The following GJA5 variants were observed in gnomAD, a reference collection of about 807,000 sequenced individuals.
GJA5 encodes the protein gap junction protein alpha 5.
In GJA5, 3 loss-of-function variants were observed where a neutral mutation model predicts 7.9. That is an observed-to-expected ratio of 0.38 (90% CI 0.17 to 0.99). The LOEUF is 0.99. Among genes scored for constraint, GJA5 ranks in the 50% least tolerant of loss-of-function variants. The probability of loss-of-function intolerance (pLI) is 0.38; values close to 1 mark genes in which losing one functional copy is unlikely to be tolerated. For synonymous variants in GJA5, 193 were observed against 181.0 expected, an observed-to-expected ratio of 1.07 and a Z score of -0.53; for missense variants, 390 against 457.9, an observed-to-expected ratio of 0.85 and a Z score of 1.35.
chr1:147,757,949 A>C lies in GJA5; in HGVS notation c.*213T>G. 1.7e-6 allele frequency: 1 copy of C among 590,968 alleles called. No homozygotes were observed. Among genetic ancestry groups the C allele is most frequent in the Non-Finnish European group, 3.0e-6 (1 of 332,356 alleles). 36.6% of individuals were successfully genotyped at this position (590,968 alleles called of 1,614,324 possible). On this transcript the variant is annotated 3_prime_UTR_variant, in exon 2 of 2. Coordinates refer to ENST00000579774, the MANE Select transcript of GJA5 (RefSeq NM_181703.4). ...TTCGTATACTGGGTAGAGGGTGGGG[A>C]GGGAACTGCAGTCTGGGTGGGTTGT...
chr1:147,764,910 T>G (rs1254644251), upstream of GJA5, among the ~76,000 whole-genome samples: 1 of 152,128 alleles, frequency 6.6e-6, no homozygotes, highest in Non-Finnish European at 1.5e-5. Context: ...ATGGGTAGTA[T>G]GCTTCTCAAA....
rs1043802 is a variant in GJA5, at chr1:147,757,430, G to A, written c.*732C>T. Reference sequence around the variant, plus strand: ...TGTGTGTACAGTGACTCCCTAGCAGGGCTGACACCTGCACAGGCTAGGTGT... The same window carrying A: ...TGTGTGTACAGTGACTCCCTAGCAGAGCTGACACCTGCACAGGCTAGGTGT... On this transcript the variant is annotated 3_prime_UTR_variant, in exon 2 of 2. Transcript: ENST00000579774. The A allele has an allele frequency of 0.26, 39,411 of 152,816 alleles. 5,606 individuals are homozygous for A. The highest frequency in any genetic ancestry group is 0.36 in the African/African-American group (15,087 of 41,450). The allele number at this position is 152,816 out of a possible 1,614,324, so 9.5% of individuals were successfully genotyped here.
At chr1:147,760,961 C>T (rs587707554), upstream of GJA5, among the ~76,000 whole-genome samples, 1 of 152,224 alleles carries the variant, frequency 6.6e-6, no homozygotes, top group African/African-American at 2.4e-5. Flanking sequence ...CACAGTGCTC[C>T]CATCCCCCGG....
upstream of GJA5, among the ~76,000 whole-genome samples, chr1:147,762,615 C>T (rs371989711): frequency 1.3e-5 from 2 of 152,296 alleles, no homozygotes; most frequent in East Asian, 3.9e-4. Flanking sequence ...AGGCAGACCT[C>T]CTGGGCCCAG....
upstream of GJA5, among the ~76,000 whole-genome samples, chr1:147,765,495 TA>T: frequency 6.6e-6 from 1 of 152,158 alleles, no homozygotes; most frequent in South Asian, 2.1e-4. Context: ...GTGTAGGAGT[TA>T]GGGGTATGTG....
intron 1 of GJA5, among the ~76,000 whole-genome samples, chr1:147,766,693 C>T (rs910236133): frequency 6.6e-6 from 1 of 152,176 alleles, no homozygotes; most frequent in Non-Finnish European, 1.5e-5. Context: ...GATGACAAGA[C>T]CACTCCACAG....
chr1:147,772,377 A>G (rs1228685489), intron 1 of GJA5, among the ~76,000 whole-genome samples: 2 of 152,146 alleles, frequency 1.3e-5, no homozygotes, highest in Non-Finnish European at 2.9e-5. Context: ...CTTTGAGCCT[A>G]TGGAATCACA....
chr1:147,769,714 G>A (rs782124098), intron 1 of GJA5, among the ~76,000 whole-genome samples: 2 of 151,996 alleles, frequency 1.3e-5, no homozygotes, highest in Non-Finnish European at 1.5e-5. Flanking sequence ...CACAGACAAT[G>A]GAAAGTATAG....
upstream of GJA5, among the ~76,000 whole-genome samples, chr1:147,761,262 G>A (rs1663998838): frequency 1.3e-5 from 2 of 152,142 alleles, no homozygotes; most frequent in African/African-American, 2.4e-5. Context: ...ATTTGGGTGG[G>A]TCCTTAGAGG....
At chr1:147,762,716 C>A (rs1015458378), upstream of GJA5, among the ~76,000 whole-genome samples, 4 of 152,158 alleles carry the variant, frequency 2.6e-5, no homozygotes, top group Admixed American at 1.3e-4. Context: ...TACCATGTAC[C>A]AGATGCTCAG....
intron 1 of GJA5, among the ~76,000 whole-genome samples, chr1:147,770,905 C>T (rs1456099610): frequency 3.3e-5 from 5 of 152,226 alleles, no homozygotes; most frequent in African/African-American, 1.2e-4. Flanking sequence ...TTTCCAGGAA[C>T]CCTGAAGCTT....
intron 1 of GJA5, among the ~76,000 whole-genome samples, chr1:147,772,586 G>C (rs587685686): frequency 1.0e-3 from 155 of 152,196 alleles, no homozygotes; most frequent in Non-Finnish European, 1.9e-3. Flanking sequence ...CTACCCCATG[G>C]CCTCCTACTT....
Position 147,758,102 on chromosome 1 carries a change from G to A in GJA5, c.*60C>T, listed in dbSNP as rs886045248. 39 of 1,140,440 alleles carry A rather than the reference G, an allele frequency of 3.4e-5. No individual in the cohort carries two copies. The East Asian group carries it at 5.8e-4, about 17-fold the overall frequency. 70.6% of individuals were successfully genotyped at this position (1,140,440 alleles called of 1,614,324 possible). ...GAAAGCATCAGTTCAGAAGGGACAC[G>A]TCTTTCCTCTCTGAGCCTCCTTTGT... On this transcript the variant is annotated 3_prime_UTR_variant, in exon 2 of 2. Coordinates refer to ENST00000579774, the MANE Select transcript of GJA5 (RefSeq NM_181703.4).
In GJA5 at chr1:147,757,590, C is replaced by T. The variant is rs1326552579; in HGVS notation, c.*572G>A. 2 of 159,412 alleles carry T rather than the reference C, an allele frequency of 1.3e-5. No individual in the cohort carries two copies. Among genetic ancestry groups the T allele is most frequent in the East Asian group, 3.7e-4 (2 of 5,440 alleles). 9.9% of individuals were successfully genotyped at this position (159,412 alleles called of 1,614,324 possible). On this transcript the variant is annotated 3_prime_UTR_variant, in exon 2 of 2. Transcript: ENST00000579774. ...GCTGCTGGTAAAGTTCCAAGAAGCC[C>T]TTTTTAAGGCTGAGTAGAGGGAGGA...
Position 147,758,681 on chromosome 1 carries a change from G to A in GJA5, c.558C>T (p.Arg186=). 6.2e-7 allele frequency: 1 copy of A among 1,614,228 alleles called. No individual in the cohort carries two copies. The highest frequency in any genetic ancestry group is 8.5e-7 in the Non-Finnish European group (1 of 1,180,028). ...GIFLTTLHVC[R]RSPCPHPVNC... ...TGACCGGGTGGGGACAGGGACTCCT[G>A]CGGCAGACATGCAGGGTGGTCAGGA... Residue 186 remains arginine (R), a synonymous_variant, in exon 2 of 2, where the codon CGC becomes CGT. Coordinates refer to ENST00000579774, the MANE Select transcript of GJA5 (RefSeq NM_181703.4).
At position 147,756,610 on chromosome 1, in the gene GJA5, G is replaced by C. The variant is rs78252771; in HGVS notation, c.*1552C>G. ...TGTTTAGGTTAATAACTGCCAGGCAGCCGGAGAGGAGAGCAGGAAGACACA... is the reference window on the plus strand; with the variant it reads ...TGTTTAGGTTAATAACTGCCAGGCACCCGGAGAGGAGAGCAGGAAGACACA... On this transcript the variant is annotated 3_prime_UTR_variant, in exon 2 of 2. Coordinates refer to ENST00000579774, the MANE Select transcript of GJA5 (RefSeq NM_181703.4). 0.014 allele frequency: 2,140 copies of C among 152,302 alleles called. 50 individuals are homozygous for C. The highest frequency in any genetic ancestry group is 0.049 in the African/African-American group (2,051 of 41,534). 9.4% of individuals were successfully genotyped at this position (152,302 alleles called of 1,614,324 possible).
chr1:147,759,156 A>T lies in GJA5; in HGVS notation c.83T>A (p.Val28Asp). The T allele has an allele frequency of 6.2e-7, 1 of 1,613,900 alleles. No individual in the cohort carries two copies. The highest frequency in any genetic ancestry group is 8.5e-7 in the Non-Finnish European group (1 of 1,179,840). The change falls in exon 2 of 2, where the codon GTC becomes GAC. Residue 28 changes from valine to aspartate, a missense_variant. Transcript: ENST00000579774. ...CACGAGCATACGGAATATGAAGAGG[A>T]CAGTGAGCCAGACCTTGCCTACCAC... is the stretch of plus-strand genomic sequence containing the variant. ...STVVGKVWLTVLFIFRMLVLG... is the reference protein window; with the variant it reads ...STVVGKVWLTDLFIFRMLVLG...
At chr1:147,767,673 C>T (rs1164252153) in intron 1 of GJA5, among the ~76,000 whole-genome samples, 1 of 151,520 alleles carries the variant, frequency 6.6e-6, no homozygotes, top group African/African-American at 2.4e-5. Context: ...GCTGGGATTA[C>T]AGGCATGAGC....
Position 147,756,793 on chromosome 1 carries a change from C to T in GJA5, c.*1369G>A, listed in dbSNP as rs912345209. 6.6e-6 allele frequency: 1 copy of T among 152,264 alleles called. No homozygotes were observed. The highest frequency in any genetic ancestry group is 1.5e-5 in the Non-Finnish European group (1 of 68,106). 9.4% of individuals were successfully genotyped at this position (152,264 alleles called of 1,614,324 possible). On this transcript the variant is annotated 3_prime_UTR_variant, in exon 2 of 2. Coordinates refer to ENST00000579774, the MANE Select transcript of GJA5 (RefSeq NM_181703.4). ...AAGCATCGTTTACCTTCATCCAAAA[C>T]AACAGCAACCCATTATGGATCCAGT...
Sources: allele counts gnomAD v4.1 joint callset (sites outside exome capture counted in the v4.1 genomes callset), GRCh38; gene constraint gnomAD v4.1.1; transcripts MANE v1.5; gene names NCBI Gene and HGNC (gene_info 2026-07-23, HGNC 2026-07-21).